Variants in RABEP1 observed in about 807,000 individuals in gnomAD.
RABEP1 encodes the protein rabaptin, RAB GTPase binding effector protein 1, also known as rab GTPase-binding effector protein 1.
Under a neutral mutation model 123.4 loss-of-function variants are expected in RABEP1, and 51 were observed. The ratio of observed to expected loss-of-function variants is 0.41; its 90% CI spans 0.33 to 0.52. The LOEUF is 0.52. RABEP1 is among the 20% of genes least tolerant of loss of function. The probability of loss-of-function intolerance (pLI) is 0.16; values close to 1 mark genes in which losing one functional copy is unlikely to be tolerated. For synonymous variants in RABEP1, 347 were observed against 355.2 expected, an observed-to-expected ratio of 0.98 and a Z score of 0.26; for missense variants, 888 against 996.3, an observed-to-expected ratio of 0.89 and a Z score of 1.46.
chr17:5,308,285 GTGCGATCTCGGCCCAC>G (rs1021712126), intron 1 of RABEP1, among the ~76,000 whole-genome samples: 3 of 151,218 alleles, frequency 2.0e-5, no homozygotes, highest in African/African-American at 7.3e-5. Flanking sequence ...GAGTGCAGTG[GTGCGATCTCGGCCCAC>G]TGCAACCTCC....
intron 15 of RABEP1, 103 bp downstream of exon 15, chr17:5,378,335 C>A: frequency 8.8e-7 from 1 of 1,142,504 alleles, no homozygotes; most frequent in Non-Finnish European, 1.3e-6. Flanking sequence ...GGCATGGGCC[C>A]TGCCTTAAGG....
intron 12 of RABEP1, among the ~76,000 whole-genome samples, chr17:5,370,752 G>A (rs542117978): frequency 1.3e-5 from 2 of 152,226 alleles, no homozygotes; most frequent in Middle Eastern, 3.4e-3. Flanking sequence ...TTGATCACTC[G>A]GTTAAGGTGG....
At chr17:5,287,442 T>G (rs1355453674) in intron 1 of RABEP1, among the ~76,000 whole-genome samples, 1 of 151,496 alleles carries the variant, frequency 6.6e-6, no homozygotes, top group Non-Finnish European at 1.5e-5. Flanking sequence ...CTACTAAAAA[T>G]ACAAAAATTA....
rs760132791 is a variant in RABEP1, at chr17:5,383,135, G to A, written c.2501G>A (p.Arg834Gln). The A allele has an allele frequency of 7.4e-6, 12 of 1,613,966 alleles. No homozygotes were observed. In the East Asian group the frequency reaches 8.9e-5, roughly 12 times the overall value. The change falls in exon 18 of 18, where the codon CGG becomes CAG. Residue 834 changes from arginine (R) to glutamine (Q), a missense_variant. Physicochemically the swap from Arg to Gln is conservative, Grantham distance 43. Transcript: ENST00000537505. ...LSQTLQVQLE[R>Q]IRQADSLERI... is the part of the protein sequence containing the mutation. ...TTGTTTCTCCAGGTGCAGTTAGAGC[G>A]GATCCGGCAAGCTGACTCCTTGGAG...
At chr17:5,285,041 G>C (rs1431456373) in intron 1 of RABEP1, among the ~76,000 whole-genome samples, 1 of 151,770 alleles carries the variant, frequency 6.6e-6, no homozygotes, top group Non-Finnish European at 1.5e-5. Flanking sequence ...CGATTTGTGT[G>C]TAAATCGAAG....
At chr17:5,359,806 T>C (rs1909343539) in intron 8 of RABEP1, among the ~76,000 whole-genome samples, 2 of 152,210 alleles carry the variant, frequency 1.3e-5, no homozygotes, top group Non-Finnish European at 2.9e-5. Flanking sequence ...TCTTAAAACA[T>C]TGTCATTTAA....
intron 8 of RABEP1, among the ~76,000 whole-genome samples, chr17:5,359,118 G>A (rs948207610): frequency 3.3e-5 from 5 of 150,172 alleles, no homozygotes; most frequent in African/African-American, 2.5e-5. Context: ...CTGTTGCCCA[G>A]GCTGGAGTGC....
At chr17:5,322,634 G>GA (rs1249879263) in intron 2 of RABEP1, among the ~76,000 whole-genome samples, 3 of 152,062 alleles carry the variant, frequency 2.0e-5, no homozygotes, top group South Asian at 2.1e-4. Context: ...GGAAATCCTT[G>GA]AAAAAAATAC....
intron 1 of RABEP1, among the ~76,000 whole-genome samples, 155 bp downstream of exon 1, chr17:5,282,675 C>T (rs1316352118): frequency 6.9e-6 from 1 of 144,362 alleles, no homozygotes; most frequent in Admixed American, 6.9e-5. Context: ...CTGCGGCGCG[C>T]GAGGGCGGCG....
intron 6 of RABEP1, 124 bp downstream of exon 6, chr17:5,347,049 T>C: frequency 1.2e-6 from 1 of 860,080 alleles, no homozygotes; most frequent in Non-Finnish European, 1.6e-6. Flanking sequence ...ATTTAAGCCT[T>C]GTAGTTGGTT....
intron 2 of RABEP1, among the ~76,000 whole-genome samples, chr17:5,312,474 C>T (rs1269686004): frequency 2.0e-5 from 3 of 152,126 alleles, no homozygotes; most frequent in African/African-American, 7.2e-5. Flanking sequence ...TTTAATACAA[C>T]AGGACAATGA....
At chr17:5,288,601 G>A (rs1029947908) in intron 1 of RABEP1, among the ~76,000 whole-genome samples, 41 of 152,100 alleles carry the variant, frequency 2.7e-4, no homozygotes, top group African/African-American at 8.7e-4. Flanking sequence ...CGCCATGTTC[G>A]TCAGGCTGGC....
At chr17:5,326,945 A>G (rs1486649765) in intron 2 of RABEP1, among the ~76,000 whole-genome samples, 3 of 152,254 alleles carry the variant, frequency 2.0e-5, no homozygotes, top group Non-Finnish European at 4.4e-5. Flanking sequence ...CCTACTACAC[A>G]TGTAGGCTAC....
rs376703738 is a variant in RABEP1 at position 5,367,483 on chromosome 17, C to A, written c.1786-887C>A. On this transcript the variant is annotated intron_variant, in intron 11 of 17. Coordinates refer to ENST00000537505, the MANE Select transcript of RABEP1 (RefSeq NM_004703.6). Reference sequence around the variant, plus strand: ...ACGGGGTTTCACCATCTTGGCCAGGCTGGTCTCGAACTCCTGACTTTGTGA... The same window carrying A: ...ACGGGGTTTCACCATCTTGGCCAGGATGGTCTCGAACTCCTGACTTTGTGA... Among the ~76,000 whole-genome samples the A allele has an allele frequency of 2.1e-3, 313 of 151,888 alleles. 2 individuals carry two copies. The highest frequency in any genetic ancestry group is 3.2e-3 in the Non-Finnish European group (219 of 67,908).
At chr17:5,378,373 C>G in intron 15 of RABEP1, 141 bp downstream of exon 15, 1 of 781,004 alleles carries the variant, frequency 1.3e-6, no homozygotes, top group East Asian at 2.7e-5. Flanking sequence ...AAGAAAACCA[C>G]GGGGTAAGGG....
intron 1 of RABEP1, among the ~76,000 whole-genome samples, chr17:5,286,550 C>T (rs944369950): frequency 8.5e-5 from 13 of 152,112 alleles, no homozygotes; most frequent in Admixed American, 3.9e-4. Flanking sequence ...TATTCTATGC[C>T]GAATCCTATG....
intron 12 of RABEP1, among the ~76,000 whole-genome samples, chr17:5,369,233 G>A (rs1378642529): frequency 1.3e-5 from 2 of 152,202 alleles, no homozygotes; most frequent in Non-Finnish European, 2.9e-5. Context: ...AGAGTGTTAT[G>A]AGCAAGTGCC....
chr17:5,376,706 C>T (rs1348654037), intron 13 of RABEP1, among the ~76,000 whole-genome samples: 1 of 152,028 alleles, frequency 6.6e-6, no homozygotes, highest in Non-Finnish European at 1.5e-5. Context: ...TAAATGTTAT[C>T]CTCTTAGTTC....
intron 1 of RABEP1, among the ~76,000 whole-genome samples, chr17:5,286,897 G>C (rs1432185546): frequency 6.6e-6 from 1 of 152,210 alleles, no homozygotes; most frequent in Non-Finnish European, 1.5e-5. Context: ...TAAATAGGCT[G>C]GTCAGGCAGC....
Sources: gnomAD v4.1 joint callset for allele counts (sites outside exome capture counted in the v4.1 genomes callset) on GRCh38, gnomAD v4.1.1 for gene constraint, MANE v1.5 for transcripts, NCBI Gene and HGNC (gene_info 2026-07-23, HGNC 2026-07-21) for gene names.